ZPBP: variants seen among roughly 807,000 people sequenced by gnomAD.
The protein encoded by ZPBP is zona pellucida-binding protein 1.
In ZPBP, 26 loss-of-function variants were observed where a neutral mutation model predicts 44.8. That is an observed-to-expected ratio of 0.58 (90% CI 0.43 to 0.81). The LOEUF is 0.81. Among genes scored for constraint, ZPBP ranks in the 30% least tolerant of loss-of-function variants. The probability of loss-of-function intolerance (pLI) is 0.00; values close to 1 mark genes in which losing one functional copy is unlikely to be tolerated. For missense variants in ZPBP, 409 were observed against 434.0 expected, an observed-to-expected ratio of 0.94 and a Z score of 0.51; for synonymous variants, 174 against 153.2, an observed-to-expected ratio of 1.14 and a Z score of -1.00.
intron 6 of ZPBP, among the ~76,000 whole-genome samples, chr7:49,998,419 A>G (rs1217879670): frequency 1.3e-5 from 2 of 152,224 alleles, no homozygotes; most frequent in Middle Eastern, 3.2e-3. Context: ...TATCTGAGCT[A>G]ACCCTTTCCT....
intron 2 of ZPBP, among the ~76,000 whole-genome samples, chr7:49,896,186 C>CA (rs1260513440): frequency 6.6e-6 from 1 of 152,058 alleles, no homozygotes; most frequent in Non-Finnish European, 1.5e-5. Context: ...GCTAAAAATA[C>CA]AAAAATTAGT....
chr7:50,036,063 G>A (rs1440762111), intron 4 of ZPBP, among the ~76,000 whole-genome samples: 2 of 152,222 alleles, frequency 1.3e-5, no homozygotes, highest in African/African-American at 4.8e-5. Flanking sequence ...AATTGCATGA[G>A]AGTGCCTAAA....
intron 4 of ZPBP, among the ~76,000 whole-genome samples, chr7:50,047,119 G>A (rs527902876): frequency 6.6e-6 from 1 of 152,184 alleles, no homozygotes; most frequent in African/African-American, 2.4e-5. Flanking sequence ...CACAGGGAGT[G>A]GAACATCACA....
chr7:50,065,415 C>A (rs1031524383), intron 3 of ZPBP, among the ~76,000 whole-genome samples: 1 of 150,706 alleles, frequency 6.6e-6, no homozygotes, highest in East Asian at 1.9e-4. Flanking sequence ...TCATTCTGGG[C>A]GTTTCTCCGT....
chr7:49,877,462 CA>C (rs1169480763), intron 2 of ZPBP, among the ~76,000 whole-genome samples: 92 of 7,044 alleles, frequency 0.013, 2 homozygotes, highest in Non-Finnish European at 0.019. Flanking sequence ...AACTCTGTCT[CA>C]AAAAAAAAAA....
chr7:50,058,239 CA>C, intron 3 of ZPBP, 98 bp from the exon 4 acceptor site: 1 of 1,323,370 alleles, frequency 7.6e-7, no homozygotes. Context: ...TTTACCAACA[CA>C]GTCAATGAAA....
intron 1 of ZPBP, among the ~76,000 whole-genome samples, chr7:49,923,838 T>A (rs1749099172): frequency 6.6e-6 from 1 of 152,196 alleles, no homozygotes; most frequent in Non-Finnish European, 1.5e-5. Context: ...AGAATAGGGT[T>A]ATAGGCCGGG....
chr7:50,043,534 A>G (rs1584106745), intron 4 of ZPBP, among the ~76,000 whole-genome samples: 1 of 152,206 alleles, frequency 6.6e-6, no homozygotes, highest in East Asian at 1.9e-4. Context: ...ATCCTAGTCT[A>G]TGATAAAACA....
At chr7:49,909,008 T>C (rs1793255887) in intron 1 of ZPBP, among the ~76,000 whole-genome samples, 1 of 152,222 alleles carries the variant, frequency 6.6e-6, no homozygotes, top group South Asian at 2.1e-4. Context: ...GTAAAGACTT[T>C]TGCTAGCATT....
intron 2 of ZPBP, among the ~76,000 whole-genome samples, chr7:49,871,033 C>G (rs562174442): frequency 9.9e-5 from 15 of 152,026 alleles, no homozygotes; most frequent in Non-Finnish European, 2.1e-4. Flanking sequence ...GAAAAGTATT[C>G]CACAGAACCA....
chr7:49,902,704 T>A (rs1395417712), intron 1 of ZPBP, among the ~76,000 whole-genome samples: 1 of 152,088 alleles, frequency 6.6e-6, no homozygotes, highest in African/African-American at 2.4e-5. Flanking sequence ...GGCTTCTTGA[T>A]GAGTTGTTAG....
intron 3 of ZPBP, among the ~76,000 whole-genome samples, chr7:50,067,760 C>A (rs1275863147): frequency 6.6e-6 from 1 of 152,174 alleles, no homozygotes; most frequent in Non-Finnish European, 1.5e-5. Flanking sequence ...TAGCTTCCTG[C>A]ACCAGTAGGG....
At chr7:49,953,932 T>C (rs1315847231) in intron 7 of ZPBP, among the ~76,000 whole-genome samples, 1 of 152,150 alleles carries the variant, frequency 6.6e-6, no homozygotes. Context: ...TTCCAACAGC[T>C]TTTATTGAAG....
At chr7:49,893,444 G>GC (rs1792229352) in intron 2 of ZPBP, among the ~76,000 whole-genome samples, 3 of 152,072 alleles carry the variant, frequency 2.0e-5, no homozygotes, top group African/African-American at 7.2e-5. Flanking sequence ...GACAAAATTT[G>GC]ATTTTTTTCG....
chr7:50,014,253 C>T lies in ZPBP; in HGVS notation c.783+3987G>A, dbSNP rs866721610. Among the ~76,000 whole-genome samples the T allele has an allele frequency of 5.3e-5, 8 of 152,016 alleles. 1 individual carries two copies. The highest frequency in any genetic ancestry group is 6.8e-3 in the Middle Eastern group (2 of 294). ...AGTCCTTTTTGAGAAAATTGACATA[C>T]AGGCTGATTCTAAATTTTCTTGGAA... On this transcript the variant is annotated intron_variant, in intron 6 of 7. Transcript: ENST00000046087.
chr7:49,945,107 G>C (rs1411292169), intron 7 of ZPBP, among the ~76,000 whole-genome samples: 1 of 152,094 alleles, frequency 6.6e-6, no homozygotes, highest in African/African-American at 2.4e-5. Flanking sequence ...TTGAGCCACT[G>C]GTCATTCAGG....
intron 2 of ZPBP, among the ~76,000 whole-genome samples, chr7:49,892,793 G>A (rs1017922720): frequency 2.0e-5 from 3 of 152,194 alleles, no homozygotes; most frequent in Admixed American, 6.5e-5. Context: ...ACACTGCTCC[G>A]TGGAATGAAT....
At chr7:49,884,680 G>C (rs542690560) in intron 2 of ZPBP, among the ~76,000 whole-genome samples, 1 of 152,142 alleles carries the variant, frequency 6.6e-6, no homozygotes, top group Non-Finnish European at 1.5e-5. Flanking sequence ...AGGACCTGCT[G>C]CCTGACTGTG....
chr7:49,892,398 T>A (rs557901807), intron 2 of ZPBP, among the ~76,000 whole-genome samples: 2 of 152,268 alleles, frequency 1.3e-5, no homozygotes, highest in African/African-American at 4.8e-5. Context: ...ATGAAATAAG[T>A]AAAGCTACTT....
Sources: allele counts gnomAD v4.1 joint callset (sites outside exome capture counted in the v4.1 genomes callset), GRCh38; gene constraint gnomAD v4.1.1; transcripts MANE v1.5; gene names NCBI Gene and HGNC (gene_info 2026-07-23, HGNC 2026-07-21).